The following CORO2B variants were observed in gnomAD, a reference collection of about 807,000 sequenced individuals.
CORO2B encodes coronin-2B.
A neutral mutation model predicts 58.8 loss-of-function variants in CORO2B; 26 were observed. The ratio of observed to expected loss-of-function variants is 0.44; its 90% CI spans 0.32 to 0.61. The LOEUF (loss-of-function observed/expected upper bound fraction) is 0.61, where lower values mean the gene tolerates loss of function less well. CORO2B is among the 20% of genes least tolerant of loss of function. The pLI is 0.04. For missense variants in CORO2B, 460 were observed against 645.1 expected (o/e 0.71, Z 3.11); for synonymous variants, 242 against 253.8 (o/e 0.95, Z 0.44).
At chr15:68,612,088 A>G (rs774950326) in intron 1 of CORO2B, among the ~76,000 whole-genome samples, 10 of 152,208 alleles carry the variant, frequency 6.6e-5, no homozygotes, top group Non-Finnish European at 1.0e-4. Flanking sequence ...TCTACTTTCA[A>G]GAAGCATCCC....
At chr15:68,612,631 G>A (rs544194543) in intron 1 of CORO2B, among the ~76,000 whole-genome samples, 2 of 152,304 alleles carry the variant, frequency 1.3e-5, no homozygotes, top group East Asian at 1.9e-4. Flanking sequence ...GCACTGAACT[G>A]GATGGGGCCA....
At chr15:68,573,646 CAGAA>C in the CORO2B span, among the ~76,000 whole-genome samples, 2 of 151,992 alleles carry the variant, frequency 1.3e-5, no homozygotes, top group African/African-American at 2.4e-5. Flanking sequence ...ACAAAACAGA[CAGAA>C]AGGGAGAAAT....
the CORO2B span, among the ~76,000 whole-genome samples, chr15:68,561,920 G>T: frequency 1.3e-5 from 2 of 152,138 alleles, no homozygotes; most frequent in Non-Finnish European, 2.9e-5. Flanking sequence ...AGTGTGTGTT[G>T]TGAGTGTGTA....
chr15:68,719,006 G>A (rs2140333599), intron 9 of CORO2B, 138 bp from the exon 10 acceptor site: 6 of 856,042 alleles, frequency 7.0e-6, no homozygotes, highest in South Asian at 3.0e-5. Context: ...GTAGTTCCAG[G>A]AGGGAGACAC....
the CORO2B span, among the ~76,000 whole-genome samples, chr15:68,533,605 A>T: frequency 2.0e-5 from 3 of 152,210 alleles, no homozygotes; most frequent in African/African-American, 7.2e-5. Flanking sequence ...AAAAGAGAGA[A>T]GTCAAACCTG....
rs574303507 is a variant in CORO2B at position 68,725,080 on chromosome 15, C to T, written c.1312-763C>T. ...AGCATTTTAGAAAGTTCTAAATTATCAGCACAAGCCGGGCATGGTAGCTTA... is the reference window on the plus strand; with the variant it reads ...AGCATTTTAGAAAGTTCTAAATTATTAGCACAAGCCGGGCATGGTAGCTTA... On this transcript the variant is annotated intron_variant, in intron 11 of 11. Transcript: ENST00000261861. 5.3e-5 allele frequency among the ~76,000 whole-genome samples: 8 copies of T among 152,290 alleles called. 1 individual carries two copies. Among genetic ancestry groups the T allele is most frequent in the Admixed American group, 2.6e-4 (4 of 15,290 alleles).
At chr15:68,604,219 C>T (rs570682044) in intron 1 of CORO2B, among the ~76,000 whole-genome samples, 127 of 152,294 alleles carry the variant, frequency 8.3e-4, no homozygotes, top group South Asian at 3.9e-3. Flanking sequence ...TTGACGCATA[C>T]TCCAGGGCTC....
intron 1 of CORO2B, among the ~76,000 whole-genome samples, chr15:68,605,956 A>C (rs12910749): frequency 0.26 from 38,984 of 151,504 alleles, 5,176 homozygotes; most frequent in Middle Eastern, 0.32. Flanking sequence ...AAACTCCTGA[A>C]CTTGTGATTC....
rs77437725 is a variant in CORO2B, at chr15:68,719,823, C to T, written c.1311+271C>T. ...ATCTCCTCATGAACTCATTTCAGAA[C>T]GTTGCTGTCATTTGGAGTTCCAGGA... On this transcript the variant is annotated intron_variant, in intron 11 of 11. Transcript: ENST00000261861. Among the ~76,000 whole-genome samples the T allele has an allele frequency of 5.1e-3, 784 of 152,324 alleles. 10 individuals carry two copies. Among genetic ancestry groups the T allele is most frequent in the African/African-American group, 0.018 (760 of 41,562 alleles).
At chr15:68,722,927 T>A (rs1893197858) in intron 11 of CORO2B, among the ~76,000 whole-genome samples, 1 of 151,336 alleles carries the variant, frequency 6.6e-6, no homozygotes, top group African/African-American at 2.4e-5. Context: ...ATTAGCCAGG[T>A]GTGGTGGCGC....
intron 1 of CORO2B, chr15:68,632,202 G>A (rs1231610618): frequency 8.1e-6 from 8 of 985,382 alleles, no homozygotes; most frequent in East Asian, 1.1e-4. Context: ...CTCCTTGGGC[G>A]CTATTCATCC....
At position 68,710,666 on chromosome 15, in the gene CORO2B, G is replaced by A; in HGVS notation, c.334-66G>A. The stretch of plus-strand genomic sequence containing the variant: ...AGAAAGCCTGGTGTCCGAGGAAAGG[G>A]GCACCTCTCATCAAGGGACTTCTTG... On this transcript the variant is annotated intron_variant, in intron 3 of 11. Transcript: ENST00000261861. The surrounding 1 kb of genome is among the most constrained non-coding windows in gnomAD (Gnocchi z 4.1). 1 of 1,437,940 alleles carries A rather than the reference G, an allele frequency of 7.0e-7. No individual in the cohort carries two copies. Among genetic ancestry groups the A allele is most frequent in the Non-Finnish European group, 9.2e-7 (1 of 1,086,262 alleles). 89.1% of individuals were successfully genotyped at this position (1,437,940 alleles called of 1,614,324 possible).
chr15:68,668,096 A>G (rs1032815655), intron 2 of CORO2B, among the ~76,000 whole-genome samples: 2 of 152,246 alleles, frequency 1.3e-5, no homozygotes, highest in African/African-American at 4.8e-5. Flanking sequence ...ATGAGGAAAC[A>G]GGTATAGCTT....
At chr15:68,700,811 AG>A (rs1892624797) in intron 3 of CORO2B, among the ~76,000 whole-genome samples, 1 of 152,052 alleles carries the variant, frequency 6.6e-6, no homozygotes, top group African/African-American at 2.4e-5. Context: ...GCGGAGAGAG[AG>A]AGAGGTTTCT....
intron 3 of CORO2B, among the ~76,000 whole-genome samples, chr15:68,699,861 TG>T (rs1206305362): frequency 6.6e-6 from 1 of 152,216 alleles, no homozygotes; most frequent in African/African-American, 2.4e-5. Flanking sequence ...GGGAGGAAAC[TG>T]AGGCTCAGGG....
intron 3 of CORO2B, among the ~76,000 whole-genome samples, chr15:68,702,563 A>G (rs1172738509): frequency 6.6e-6 from 1 of 152,132 alleles, no homozygotes; most frequent in African/African-American, 2.4e-5. Context: ...AATGATGATA[A>G]ACTCAATTTT....
chr15:68,665,785 C>T (rs1447180140), intron 2 of CORO2B, among the ~76,000 whole-genome samples: 1 of 151,970 alleles, frequency 6.6e-6, no homozygotes, highest in Admixed American at 6.6e-5. Context: ...TAATATTTTG[C>T]CATGTTACTA....
intron 1 of CORO2B, among the ~76,000 whole-genome samples, chr15:68,619,034 C>T (rs1464758148): frequency 1.3e-5 from 2 of 152,172 alleles, no homozygotes; most frequent in Admixed American, 1.3e-4. Context: ...ATGGTAACAG[C>T]ATCTCCCTAG....
intron 2 of CORO2B, among the ~76,000 whole-genome samples, chr15:68,691,624 CAAAAAAAA>C (rs57879519): frequency 3.9e-5 from 1 of 25,750 alleles, no homozygotes; most frequent in African/African-American, 1.1e-4. Context: ...GACTCCGTCT[CAAAAAAAA>C]AAAAAAAAAA....
Sources: gnomAD v4.1 joint callset for allele counts (sites outside exome capture counted in the v4.1 genomes callset) on GRCh38, gnomAD v4.1.1 for gene constraint, Gnocchi (gnomAD v3.1) non-coding constraint, MANE v1.5 for transcripts, NCBI Gene and HGNC (gene_info 2026-07-23, HGNC 2026-07-21) for gene names.